Variants in COL20A1 observed in about 807,000 individuals in gnomAD.
COL20A1 encodes collagen alpha-1(XX) chain.
COL20A1 carries 164 observed loss-of-function variants against 152.9 expected under a neutral mutation model. The ratio of observed to expected loss-of-function variants is 1.07; its 90% confidence interval spans 0.94 to 1.22. COL20A1 has a LOEUF of 1.22. Ranked by LOEUF, COL20A1 falls within the 50% of genes most tolerant of loss-of-function variation. COL20A1 has a pLI of 0.00. For missense variants in COL20A1, 1,873 were observed against 1,744.8 expected, an observed-to-expected ratio of 1.07 and a Z score of -1.31; for synonymous variants, 864 against 756.0, an observed-to-expected ratio of 1.14 and a Z score of -2.34.
At position 63,328,227 on chromosome 20, in the gene COL20A1, C is replaced by T; in HGVS notation, c.3613+100C>T. 3 of 1,559,678 alleles carry T rather than the reference C, an allele frequency of 1.9e-6. 1 individual carries two copies. The highest frequency in any genetic ancestry group is 2.6e-6 in the Non-Finnish European group (3 of 1,140,898). On this transcript the variant is annotated intron_variant, in intron 33 of 35. Transcript: ENST00000358894. Reference sequence around the variant, plus strand: ...TGGCCAGGCCGAGGGAGGCCGCCTTCACCCATCGTTAGCACACCTGGGCCA... The same window carrying T: ...TGGCCAGGCCGAGGGAGGCCGCCTTTACCCATCGTTAGCACACCTGGGCCA...
chr20:63,326,572 G>A (rs1039457984), intron 30 of COL20A1, among the ~76,000 whole-genome samples, 180 bp from the exon 31 acceptor site: 2 of 152,150 alleles, frequency 1.3e-5, no homozygotes, highest in African/African-American at 4.8e-5. Flanking sequence ...GGGGAGCCAG[G>A]GCCTGGAGGC....
At chr20:63,293,323 C>T (rs1001421962) in intron 1 of COL20A1, 48 bp downstream of exon 1, 2 of 152,174 alleles carry the variant, frequency 1.3e-5, no homozygotes, top group African/African-American at 4.8e-5. Flanking sequence ...AAGGGGCTGC[C>T]AGGAGATCCA....
At chr20:63,323,039 C>T (rs1208188312) in intron 27 of COL20A1, among the ~76,000 whole-genome samples, 8 of 152,250 alleles carry the variant, frequency 5.3e-5, no homozygotes, top group Non-Finnish European at 1.2e-4. Flanking sequence ...CGAGGCGCTC[C>T]CCCGCGACGA....
intron 3 of COL20A1, among the ~76,000 whole-genome samples, chr20:63,299,193 G>A (rs943429895): frequency 2.0e-5 from 3 of 152,224 alleles, no homozygotes; most frequent in East Asian, 1.9e-4. Flanking sequence ...TGTAGACGCC[G>A]TGTGAGGGAT....
intron 2 of COL20A1, among the ~76,000 whole-genome samples, chr20:63,296,120 C>T (rs930756150): frequency 2.6e-5 from 4 of 152,272 alleles, no homozygotes; most frequent in African/African-American, 7.2e-5. Flanking sequence ...GAGACCCTTC[C>T]GGGTTTCACG....
chr20:63,325,464 G>A lies in COL20A1; in HGVS notation c.3318G>A (p.Glu1106=). 6.2e-7 allele frequency: 1 copy of A among 1,613,044 alleles called. No individual in the cohort carries two copies. Among genetic ancestry groups the A allele is most frequent in the Middle Eastern group, 1.7e-4 (1 of 6,040 alleles). Residue 1106 remains glutamate (E), a synonymous_variant, in exon 28 of 36, where the codon GAG becomes GAA. Coordinates refer to ENST00000358894, the MANE Select transcript of COL20A1 (RefSeq NM_020882.4). The stretch of plus-strand genomic sequence containing the variant: ...AGGGTCCACCAGGGGTCAAAGGAGA[G>A]AAGGGAGACCATGGGCTTCCAGGCT... The part of the protein sequence containing the change: ...GPRGPPGVKG[E]KGDHGLPGLQ...
chr20:63,313,205 G>C lies in COL20A1; in HGVS notation c.2165G>C (p.Arg722Thr), dbSNP rs866630321. The C allele has an allele frequency of 8.7e-6, 14 of 1,612,544 alleles. No individual in the cohort carries two copies. Among genetic ancestry groups the C allele is most frequent in the Non-Finnish European group, 1.2e-5 (14 of 1,179,712 alleles). ...GACGTCACCATCTTGGCCTACTACAGGGACGGGGCCCGCAGTGACCCTGTG... is the reference window on the plus strand; with the variant it reads ...GACGTCACCATCTTGGCCTACTACACGGACGGGGCCCGCAGTGACCCTGTG... ...EYDVTILAYY[R>T]DGARSDPVSL... The change falls in exon 17 of 36, where the codon AGG becomes ACG. Residue 722 changes from arginine to threonine, a missense_variant. Transcript: ENST00000358894. This position sits in a 1 kb window ranked among gnomAD's most constrained non-coding sequence, Gnocchi z 5.9.
At chr20:63,323,730 G>A (rs944039398) in intron 27 of COL20A1, among the ~76,000 whole-genome samples, 9 of 152,172 alleles carry the variant, frequency 5.9e-5, no homozygotes, top group African/African-American at 1.7e-4. Context: ...GTTCACAGGC[G>A]AGGGCTGTGC....
Position 63,311,580 on chromosome 20 carries a change from G to A in COL20A1, c.1539+41G>A, listed in dbSNP as rs2068006283. 1.9e-6 allele frequency: 3 copies of A among 1,610,118 alleles called. No homozygotes were observed. ...GGGTGGCGGGGGAGGCAGAGGAGTGGGGCAGAGCGAGTGGGGGCTGGCCTG... is the reference window on the plus strand; with the variant it reads ...GGGTGGCGGGGGAGGCAGAGGAGTGAGGCAGAGCGAGTGGGGGCTGGCCTG... On this transcript the variant is annotated intron_variant, in intron 12 of 35. Transcript: ENST00000358894. This position sits in a 1 kb window ranked among gnomAD's most constrained non-coding sequence, Gnocchi z 4.4.
At position 63,311,426 on chromosome 20, in the gene COL20A1, G is replaced by A; in HGVS notation, c.1426G>A (p.Ala476Thr). The A allele has an allele frequency of 6.3e-7, 1 of 1,577,452 alleles. No individual in the cohort carries two copies. The highest frequency in any genetic ancestry group is 1.3e-5 in the African/African-American group (1 of 74,288). Residue 476 changes from alanine to threonine, a missense_variant, in exon 12 of 36, where the codon GCC becomes ACC. By Grantham distance (58) the Ala-to-Thr change is moderately conservative (BLOSUM62 0). Coordinates refer to ENST00000358894, the MANE Select transcript of COL20A1 (RefSeq NM_020882.4). The surrounding 1 kb of genome is among the most constrained non-coding windows in gnomAD (Gnocchi z 4.4). ...PLPPPRALTL[A>T]AVTPRTVHLT... Reference sequence around the variant, plus strand: ...GCCTCCGCCCCGGGCGCTGACCCTGGCCGCAGTGACGCCCAGAACCGTCCA... The same window carrying A: ...GCCTCCGCCCCGGGCGCTGACCCTGACCGCAGTGACGCCCAGAACCGTCCA...
At chr20:63,316,823 T>G in intron 21 of COL20A1, 132 bp downstream of exon 21, 1 of 819,820 alleles carries the variant, frequency 1.2e-6, no homozygotes, top group East Asian at 3.0e-5. Flanking sequence ...CGCTGCTATG[T>G]CAGCAAACGG....
At position 63,325,472 on chromosome 20, in the gene COL20A1, A is replaced by G. The variant is rs1287088211; in HGVS notation, c.3326A>G (p.Asp1109Gly). ...GPPGVKGEKG[D>G]HGLPGLQGHP... ...CCAGGGGTCAAAGGAGAGAAGGGAGACCATGGGCTTCCAGGCTTGCAGGTA... is the reference window on the plus strand; with the variant it reads ...CCAGGGGTCAAAGGAGAGAAGGGAGGCCATGGGCTTCCAGGCTTGCAGGTA... The change falls in exon 28 of 36, where the codon GAC (aspartate) becomes GGC (glycine). Residue 1109 changes from aspartate to glycine, a missense_variant. By Grantham distance (94) the Asp-to-Gly change is moderately conservative. Transcript: ENST00000358894. The G allele has an allele frequency of 6.2e-7, 1 of 1,612,566 alleles. No homozygotes were observed. The highest frequency in any genetic ancestry group is 1.1e-5 in the South Asian group (1 of 91,002).
chr20:63,309,701 G>T, intron 9 of COL20A1, 57 bp from the exon 10 acceptor site: 2 of 1,449,456 alleles, frequency 1.4e-6, no homozygotes. Context: ...CAGGGGGAGC[G>T]TGGACACAGC....
chr20:63,307,575 C>G lies in COL20A1; in HGVS notation c.582C>G (p.His194Gln). Residue 194 changes from histidine to glutamine, a missense_variant, in exon 6 of 36, where the codon CAC (histidine) becomes CAG (glutamine). Physicochemically the swap from His to Gln is conservative, Grantham distance 24 (BLOSUM62 0). Transcript: ENST00000358894. ...GGTCCTGGAGCATTGGCCACAGTCA[C>G]TTCCAGCAGGTCAAGGACTTCCTGG... ...VDGSWSIGHS[H>Q]FQQVKDFLAS... 6.2e-7 allele frequency: 1 copy of G among 1,612,732 alleles called. No individual in the cohort carries two copies.
chr20:63,315,342 G>T (rs1164055445), intron 19 of COL20A1, 62 bp from the exon 20 acceptor site: 10 of 1,505,222 alleles, frequency 6.6e-6, no homozygotes, highest in African/African-American at 1.4e-5. Context: ...CTCCCCAGCG[G>T]TCTGTCAGGC....
At chr20:63,303,707 G>A (rs113021337) in intron 3 of COL20A1, among the ~76,000 whole-genome samples, 6,065 of 152,288 alleles carry the variant, frequency 0.04, 153 homozygotes, top group Middle Eastern at 0.078. Flanking sequence ...ACTCCCTGGC[G>A]CGGGGCTGGG....
At position 63,297,965 on chromosome 20, in the gene COL20A1, G is replaced by A. The variant is rs757760242; in HGVS notation, c.138G>A (p.Trp46Ter). 2.1e-5 allele frequency: 34 copies of A among 1,613,102 alleles called. No homozygotes were observed. The highest frequency in any genetic ancestry group is 2.0e-4 in the South Asian group (18 of 91,090). ...VLPEDRLQMKWRESEGSGLGY... is the reference protein window; with the variant it reads ...VLPEDRLQMK Reference sequence around the variant, plus strand: ...CTGAGGACCGGCTGCAGATGAAGTGGAGAGAGTCGGAGGGGAGCGGCCTCG... The same window carrying A: ...CTGAGGACCGGCTGCAGATGAAGTGAAGAGAGTCGGAGGGGAGCGGCCTCG... The change falls in exon 3 of 36, where the codon TGG becomes TGA. Residue 46 changes from tryptophan (W) to a stop codon, truncating the protein, a stop_gained. Coordinates refer to ENST00000358894, the MANE Select transcript of COL20A1 (RefSeq NM_020882.4). LOFTEE classifies it high-confidence loss of function.
intron 35 of COL20A1, among the ~76,000 whole-genome samples, 188 bp downstream of exon 35, chr20:63,329,849 G>A (rs1309189981): frequency 2.6e-5 from 4 of 152,190 alleles, no homozygotes; most frequent in Non-Finnish European, 5.9e-5. Flanking sequence ...AGGGGCAACA[G>A]GAATGTGGGG....
chr20:63,315,550 G>C (rs2068073476), intron 20 of COL20A1, 111 bp downstream of exon 20: 2 of 1,025,312 alleles, frequency 2.0e-6, no homozygotes, highest in South Asian at 3.3e-5. Context: ...TGCAGTTGGA[G>C]GATGTTTGGG....
Sources: gnomAD v4.1 joint callset for allele counts (sites outside exome capture counted in the v4.1 genomes callset) on GRCh38, gnomAD v4.1.1 for gene constraint, Gnocchi (gnomAD v3.1) non-coding constraint, MANE v1.5 for transcripts, NCBI Gene and HGNC (gene_info 2026-07-23, HGNC 2026-07-21) for gene names.